LMX1A: variants seen among roughly 807,000 people sequenced by gnomAD.
The protein encoded by LMX1A is LIM homeobox transcription factor 1 alpha.
LMX1A carries 15 observed loss-of-function variants against 49.1 expected under a neutral mutation model. The observed-to-expected ratio is 0.31, with a 90% CI of 0.20 to 0.47. The LOEUF (loss-of-function observed/expected upper bound fraction) is 0.47, where lower values mean the gene tolerates loss of function less well. LMX1A is among the 20% of genes least tolerant of loss of function. LMX1A has a pLI of 1.00. For synonymous variants in LMX1A, 167 were observed against 185.7 expected (o/e 0.90, Z 0.82); for missense variants, 372 against 475.8 (o/e 0.78, Z 2.03).
intron 3 of LMX1A, among the ~76,000 whole-genome samples, chr1:165,324,160 CT>C (rs1178395537): frequency 6.6e-6 from 1 of 152,222 alleles, no homozygotes; most frequent in Non-Finnish European, 1.5e-5. Context: ...GAGATGATTA[CT>C]TAGCAGTGCC....
chr1:165,319,786 C>T (rs920814545), intron 3 of LMX1A, among the ~76,000 whole-genome samples: 1 of 152,028 alleles, frequency 6.6e-6, no homozygotes, highest in Non-Finnish European at 1.5e-5. Context: ...AGAAATACAC[C>T]AAAATACTAA....
intron 3 of LMX1A, among the ~76,000 whole-genome samples, chr1:165,323,855 A>T (rs913786652): frequency 2.0e-5 from 3 of 152,224 alleles, no homozygotes; most frequent in Non-Finnish European, 4.4e-5. Flanking sequence ...TACCAAAGGC[A>T]AAGACTTTGA....
intron 3 of LMX1A, among the ~76,000 whole-genome samples, chr1:165,321,354 T>C (rs1345720594): frequency 6.6e-6 from 1 of 152,126 alleles, no homozygotes; most frequent in Non-Finnish European, 1.5e-5. Flanking sequence ...GTGAACATAC[T>C]AAAAAACCAC....
At chr1:165,247,240 C>T (rs549374274) in intron 4 of LMX1A, among the ~76,000 whole-genome samples, 1 of 151,796 alleles carries the variant, frequency 6.6e-6, no homozygotes, top group Non-Finnish European at 1.5e-5. Flanking sequence ...CATTTATTTC[C>T]ATGTGAGAAA....
At chr1:165,327,970 G>GA (rs748019942) in intron 3 of LMX1A, among the ~76,000 whole-genome samples, 4 of 152,224 alleles carry the variant, frequency 2.6e-5, no homozygotes, top group Non-Finnish European at 5.9e-5. Flanking sequence ...AACTTTAATG[G>GA]AAAAATATTT....
chr1:165,318,565 C>T (rs556492013), intron 3 of LMX1A, among the ~76,000 whole-genome samples: 3 of 152,276 alleles, frequency 2.0e-5, no homozygotes, highest in Admixed American at 2.0e-4. Flanking sequence ...CAGGCCCCTT[C>T]TCCCAGACAA....
chr1:165,303,927 C>A (rs899246182), intron 3 of LMX1A, among the ~76,000 whole-genome samples: 1 of 151,960 alleles, frequency 6.6e-6, no homozygotes, highest in African/African-American at 2.4e-5. Context: ...GTGGGATTAC[C>A]CCACGCCAGA....
chr1:165,207,963 G>A lies in LMX1A; in HGVS notation c.817+100C>T, dbSNP rs1651163249. 4 of 975,688 alleles carry A rather than the reference G, an allele frequency of 4.1e-6. No individual in the cohort carries two copies. In the South Asian group the frequency reaches 4.7e-5, roughly 11 times the overall value. 60.4% of individuals were successfully genotyped at this position (975,688 alleles called of 1,614,324 possible). A position where few individuals can be genotyped will look rare whatever the true frequency, so the allele number is the denominator to read the frequency against. On this transcript the variant is annotated intron_variant, in intron 7 of 8. Transcript: ENST00000342310. ...CAGTGGGTGTGGTCTAGGCTTCACT[G>A]AGTCCAGATATGTCATCCAAAGAGC... is the stretch of plus-strand genomic sequence containing the variant.
intron 3 of LMX1A, among the ~76,000 whole-genome samples, chr1:165,334,417 C>G (rs1408622342): frequency 6.6e-6 from 1 of 152,250 alleles, no homozygotes; most frequent in South Asian, 2.1e-4. Flanking sequence ...TTACATTGAT[C>G]ATCTCATTTA....
intron 3 of LMX1A, among the ~76,000 whole-genome samples, chr1:165,283,514 C>T (rs1053300744): frequency 7.2e-5 from 11 of 152,136 alleles, no homozygotes; most frequent in African/African-American, 2.4e-4. Context: ...CTTCTTTGTC[C>T]TCACACTCAT....
rs7528546 is a variant in LMX1A at position 165,277,658 on chromosome 1, T to A, written c.264-28018A>T. 6.6e-3 allele frequency among the ~76,000 whole-genome samples: 1,007 copies of A among 152,164 alleles called. 11 individuals are homozygous for A. The highest frequency in any genetic ancestry group is 0.023 in the African/African-American group (954 of 41,518). Reference sequence around the variant, plus strand: ...GCTTCAGATTCCTGGAATCCCCTGCTCTGTCAGTGCTGGCCACAGGCAGGT... The same window carrying A: ...GCTTCAGATTCCTGGAATCCCCTGCACTGTCAGTGCTGGCCACAGGCAGGT... On this transcript the variant is annotated intron_variant, in intron 3 of 8. Coordinates refer to ENST00000342310, the MANE Select transcript of LMX1A (RefSeq NM_177398.4).
At chr1:165,223,010 A>G (rs1269448836) in intron 4 of LMX1A, among the ~76,000 whole-genome samples, 1 of 151,574 alleles carries the variant, frequency 6.6e-6, no homozygotes, top group Non-Finnish European at 1.5e-5. Flanking sequence ...TAATGAATAC[A>G]GAGTTTCTTT....
At chr1:165,204,133 G>T in intron 8 of LMX1A, 93 bp from the exon 9 acceptor site, 2 of 1,351,134 alleles carry the variant, frequency 1.5e-6, no homozygotes, top group South Asian at 1.3e-5. Flanking sequence ...AGTGTTGCCT[G>T]AGCACAGGCT....
At chr1:165,274,763 G>A (rs111831713) in intron 3 of LMX1A, among the ~76,000 whole-genome samples, 2 of 152,164 alleles carry the variant, frequency 1.3e-5, no homozygotes, top group South Asian at 2.1e-4. Flanking sequence ...AAGGTAAAAC[G>A]TGAAATTCCC....
intron 3 of LMX1A, among the ~76,000 whole-genome samples, chr1:165,281,347 A>G (rs764682860): frequency 3.3e-5 from 5 of 152,252 alleles, no homozygotes; most frequent in Admixed American, 6.5e-5. Context: ...ACCCAGCTCT[A>G]AAGCACAGAC....
At chr1:165,349,366 T>C in intron 3 of LMX1A, among the ~76,000 whole-genome samples, 1 of 152,214 alleles carries the variant, frequency 6.6e-6, no homozygotes, top group East Asian at 1.9e-4. Flanking sequence ...AGAAGTCCCC[T>C]AGGCTGGAAA....
intron 2 of LMX1A, among the ~76,000 whole-genome samples, chr1:165,354,981 G>T (rs1194034188): frequency 6.6e-6 from 1 of 152,158 alleles, no homozygotes. Flanking sequence ...CAGCCGCGCG[G>T]TCTAATCCCC....
chr1:165,229,503 C>T (rs930418761), intron 4 of LMX1A, among the ~76,000 whole-genome samples: 4 of 152,210 alleles, frequency 2.6e-5, no homozygotes, highest in African/African-American at 9.6e-5. Context: ...AAGCCTGATA[C>T]TAAACCTACT....
At chr1:165,263,799 G>T (rs1392113514) in intron 3 of LMX1A, among the ~76,000 whole-genome samples, 1 of 152,128 alleles carries the variant, frequency 6.6e-6, no homozygotes, top group Non-Finnish European at 1.5e-5. Flanking sequence ...AGTATTTGGG[G>T]GTGCCAGGAT....
Sources: allele counts gnomAD v4.1 joint callset (sites outside exome capture counted in the v4.1 genomes callset), GRCh38; gene constraint gnomAD v4.1.1; transcripts MANE v1.5; gene names NCBI Gene and HGNC (gene_info 2026-07-23, HGNC 2026-07-21).